PLXDC1: variants seen among roughly 807,000 people sequenced by gnomAD.
The protein encoded by PLXDC1 is plexin domain-containing protein 1.
In PLXDC1, 39 loss-of-function variants were observed where a neutral mutation model predicts 61.3. The ratio of observed to expected loss-of-function variants is 0.64; its 90% CI spans 0.49 to 0.83. The LOEUF (loss-of-function observed/expected upper bound fraction) is 0.83. PLXDC1 is among the 40% of genes least tolerant of loss of function. The pLI, the probability that PLXDC1 is intolerant of heterozygous loss-of-function variation, is 0.00. For missense variants in PLXDC1, 596 were observed against 666.5 expected (o/e 0.89, Z 1.17); for synonymous variants, 212 against 254.5 (o/e 0.83, Z 1.59).
At chr17:39,123,898 G>T (rs1470079921) in intron 2 of PLXDC1, among the ~76,000 whole-genome samples, 1 of 152,110 alleles carries the variant, frequency 6.6e-6, no homozygotes, top group East Asian at 1.9e-4. Context: ...CGTCCTGCAG[G>T]GCTGCTAGAG....
intron 8 of PLXDC1, among the ~76,000 whole-genome samples, chr17:39,085,286 G>A (rs1909702031): frequency 6.6e-6 from 1 of 152,268 alleles, no homozygotes; most frequent in Admixed American, 6.5e-5. Context: ...TTTGTCTGCC[G>A]TGGTGTTGAA....
At chr17:39,069,779 A>G in intron 13 of PLXDC1, 77 bp downstream of exon 13, 1 of 1,086,392 alleles carries the variant, frequency 9.2e-7, no homozygotes, top group Non-Finnish European at 1.4e-6. Context: ...GGAGAAGGGG[A>G]GAGGCAGGGA....
chr17:39,128,279 G>A (rs138502526), intron 2 of PLXDC1, among the ~76,000 whole-genome samples: 2,789 of 150,628 alleles, frequency 0.019, 45 homozygotes, highest in African/African-American at 0.041. Context: ...ATGCAGTGGC[G>A]CGATCTCGGC....
At chr17:39,149,476 G>A (rs968832032) in intron 1 of PLXDC1, among the ~76,000 whole-genome samples, 3 of 152,170 alleles carry the variant, frequency 2.0e-5, no homozygotes, top group East Asian at 1.9e-4. Context: ...AAAGGGCACC[G>A]GACTGGGAGT....
chr17:39,091,176 T>A (rs1909934956), intron 7 of PLXDC1, among the ~76,000 whole-genome samples: 2 of 152,146 alleles, frequency 1.3e-5, no homozygotes, highest in Non-Finnish European at 2.9e-5. Context: ...CACTGGAGAA[T>A]GAGGTCATGG....
intron 1 of PLXDC1, among the ~76,000 whole-genome samples, chr17:39,150,474 T>C (rs1342155548): frequency 6.6e-6 from 1 of 152,128 alleles, no homozygotes; most frequent in African/African-American, 2.4e-5. Context: ...TAATCATCTC[T>C]GCTGAGGGGC....
chr17:39,086,888 A>G (rs1909762634), intron 8 of PLXDC1, among the ~76,000 whole-genome samples: 3 of 150,902 alleles, frequency 2.0e-5, no homozygotes, highest in Admixed American at 6.6e-5. Flanking sequence ...AAAGAAGAAG[A>G]AAAAGAAGAA....
chr17:39,146,405 A>G lies in PLXDC1; in HGVS notation c.76+4957T>C, dbSNP rs757713118. Among the ~76,000 whole-genome samples, 138 of 150,058 alleles carry G rather than the reference A, an allele frequency of 9.2e-4. 2 individuals are homozygous for G. Among genetic ancestry groups the G allele is most frequent in the Middle Eastern group, 3.4e-3 (1 of 294 alleles). On this transcript the variant is annotated intron_variant, in intron 1 of 13. Coordinates refer to ENST00000315392, the MANE Select transcript of PLXDC1 (RefSeq NM_020405.5). ...TTAAGAATTGTTTAAGGCCAGGTGC[A>G]GTGGCTCATGCCTATAATCCCAACA...
chr17:39,108,371 C>A (rs1910671264), intron 4 of PLXDC1, 126 bp from the exon 5 acceptor site: 2 of 977,904 alleles, frequency 2.0e-6, no homozygotes, highest in Non-Finnish European at 3.2e-6. Flanking sequence ...ACCTCTGTCG[C>A]CCATCCCCAT....
rs545294385 is a variant in PLXDC1, at chr17:39,075,654, C to T, written c.1186+2259G>A. ...ATTTATGCGCTACTTTAGCATCCTACTGGGCATATAGTTGGTCCCCACAAA... is the reference window on the plus strand; with the variant it reads ...ATTTATGCGCTACTTTAGCATCCTATTGGGCATATAGTTGGTCCCCACAAA... On this transcript the variant is annotated intron_variant, in intron 11 of 13. Transcript: ENST00000315392. Among the ~76,000 whole-genome samples, 154 of 152,336 alleles carry T rather than the reference C, an allele frequency of 1.0e-3. 1 individual carries two copies. The highest frequency in any genetic ancestry group is 3.7e-3 in the African/African-American group (152 of 41,580).
chr17:39,104,081 C>T (rs1171762777), intron 7 of PLXDC1, among the ~76,000 whole-genome samples: 1 of 152,108 alleles, frequency 6.6e-6, no homozygotes, highest in Non-Finnish European at 1.5e-5. Flanking sequence ...ACAAGGTGTC[C>T]TGCTGGATTA....
rs376338191 is a variant in PLXDC1 at position 39,087,714 on chromosome 17, G to T, written c.812-12C>A. The T allele has an allele frequency of 2.4e-5, 38 of 1,599,150 alleles. 1 individual carries two copies. In the African/African-American group the frequency reaches 4.8e-4, roughly 20 times the overall value. ...CCTTCGCCGAGATTCTGAAACAGAG[G>T]CAGAGCCTGTTGTCAGGAGCATATC... On this transcript the variant is annotated splice_polypyrimidine_tract_variant and intron_variant, in intron 7 of 13. Coordinates refer to ENST00000315392, the MANE Select transcript of PLXDC1 (RefSeq NM_020405.5).
Position 39,083,598 on chromosome 17 carries a change from G to A in PLXDC1, c.908-58C>T. 3.1e-6 allele frequency: 4 copies of A among 1,287,992 alleles called. No homozygotes were observed. The South Asian group carries it at 3.8e-5, about 12-fold the overall frequency. The allele number at this position is 1,287,992 out of a possible 1,614,324, so 79.8% of individuals were successfully genotyped here. On this transcript the variant is annotated intron_variant, in intron 8 of 13. Transcript: ENST00000315392. ...CGAGCCTCTCCTTGGGCTCCAAAGGGTGCAACTCTGAATTCCTGGTATTTA... is the reference window on the plus strand; with the variant it reads ...CGAGCCTCTCCTTGGGCTCCAAAGGATGCAACTCTGAATTCCTGGTATTTA...
rs954920534 is a variant in PLXDC1 at position 39,067,853 on chromosome 17, G to C, written c.1490C>G (p.Ala497Gly). Residue 497 changes from alanine to glycine, a missense_variant, in exon 14 of 14, where the codon GCT (alanine) becomes GGT (glycine). By Grantham distance (60) the Ala-to-Gly change is moderately conservative. Coordinates refer to ENST00000315392, the MANE Select transcript of PLXDC1 (RefSeq NM_020405.5). ...SGHEKEGFME[A>G]EQC ...GACTTGGTGTTCTCAGCACTGCTCA[G>C]CCTCCATGAAGCCCTCCTTCTCATG... 8 of 1,613,848 alleles carry C rather than the reference G, an allele frequency of 5.0e-6. No individual in the cohort carries two copies. In the African/African-American group the frequency reaches 6.7e-5, roughly 13 times the overall value.
intron 5 of PLXDC1, 119 bp downstream of exon 5, chr17:39,108,004 G>T: frequency 7.9e-7 from 1 of 1,269,474 alleles, no homozygotes; most frequent in Non-Finnish European, 1.1e-6. Context: ...AGAAAGGTAG[G>T]TGGCTGCTTT....
chr17:39,119,286 C>G (rs938313867), intron 2 of PLXDC1, among the ~76,000 whole-genome samples: 102 of 152,174 alleles, frequency 6.7e-4, no homozygotes, highest in Non-Finnish European at 2.6e-4. Flanking sequence ...CCCAGGCAGT[C>G]CTTCACTGGT....
At chr17:39,078,175 A>G in intron 10 of PLXDC1, 127 bp from the exon 11 acceptor site, 2 of 910,324 alleles carry the variant, frequency 2.2e-6, no homozygotes, top group Non-Finnish European at 3.3e-6. Flanking sequence ...GAAGGGGCTG[A>G]GATGCCAATC....
At chr17:39,128,879 A>G (rs1187775241) in intron 2 of PLXDC1, among the ~76,000 whole-genome samples, 1 of 152,062 alleles carries the variant, frequency 6.6e-6, no homozygotes, top group East Asian at 1.9e-4. Flanking sequence ...GTGTGGTGGC[A>G]CGCGCCTGTA....
chr17:39,139,675 T>C lies in PLXDC1; in HGVS notation c.234A>G (p.Pro78=). 1 of 1,612,972 alleles carries C rather than the reference T, an allele frequency of 6.2e-7. No individual in the cohort carries two copies. Among genetic ancestry groups the C allele is most frequent in the Non-Finnish European group, 8.5e-7 (1 of 1,179,532 alleles). The change falls in exon 2 of 14, where the codon CCA becomes CCG. Residue 78 remains proline, a synonymous_variant. Coordinates refer to ENST00000315392, the MANE Select transcript of PLXDC1 (RefSeq NM_020405.5). ...TCACCACCACCCTGGTCCTGTTATC[T>C]GGCAGCGTGTCCATGGCCAGGGTGC... ...GGGTLAMDTL[P]DNRTRVVEDN...
Sources: gnomAD v4.1 joint callset for allele counts (sites outside exome capture counted in the v4.1 genomes callset) on GRCh38, gnomAD v4.1.1 for gene constraint, MANE v1.5 for transcripts, NCBI Gene and HGNC (gene_info 2026-07-23, HGNC 2026-07-21) for gene names.